The following KALRN variants were observed in gnomAD, a reference collection of about 807,000 sequenced individuals.
KALRN encodes the protein kalirin.
Under a neutral mutation model 353.7 loss-of-function variants are expected in KALRN, and 70 were observed. That is an observed-to-expected ratio of 0.20 (90% CI 0.16 to 0.24). KALRN has a LOEUF of 0.24. Ranked by LOEUF, KALRN falls within the 10% of genes least tolerant of loss-of-function variation. KALRN has a pLI of 1.00. For synonymous variants in KALRN, 1,391 were observed against 1,434.8 expected, an observed-to-expected ratio of 0.97 and a Z score of 0.69; for missense variants, 2,791 against 3,756.7, an observed-to-expected ratio of 0.74 and a Z score of 6.72.
chr3:124,244,033 A>G (rs1270915552), intron 3 of KALRN, among the ~76,000 whole-genome samples: 1 of 152,210 alleles, frequency 6.6e-6, no homozygotes, highest in Non-Finnish European at 1.5e-5. Flanking sequence ...GGTCAGTAAC[A>G]CTTCACTTCT....
At chr3:124,418,157 A>T (rs934877957) in intron 14 of KALRN, among the ~76,000 whole-genome samples, 6 of 150,764 alleles carry the variant, frequency 4.0e-5, no homozygotes, top group Admixed American at 6.6e-5. Flanking sequence ...TTTTATTTTT[A>T]TTTTTTTTTC....
chr3:124,457,316 C>T (rs962469638), intron 23 of KALRN, among the ~76,000 whole-genome samples: 5 of 149,704 alleles, frequency 3.3e-5, no homozygotes, highest in East Asian at 2.0e-4. Context: ...GTGATCTGCC[C>T]GCCTCAGCCT....
intron 59 of KALRN, 130 bp downstream of exon 59, chr3:124,717,515 T>A (rs35793557): frequency 0.055 from 28,492 of 517,360 alleles, 1,062 homozygotes; most frequent in Middle Eastern, 0.1. Flanking sequence ...TGAAACCCCG[T>A]CTCTACTAAA....
At chr3:124,060,905 T>G (rs967987261) in intron 1 of KALRN, among the ~76,000 whole-genome samples, 4 of 152,164 alleles carry the variant, frequency 2.6e-5, no homozygotes, top group African/African-American at 9.7e-5. Flanking sequence ...GTTGGGGGAA[T>G]GGTTAGCTAA....
At chr3:124,243,354 GGAGAGAC>G (rs1227903372) in intron 3 of KALRN, among the ~76,000 whole-genome samples, 1 of 152,128 alleles carries the variant, frequency 6.6e-6, no homozygotes, top group East Asian at 1.9e-4. Context: ...CTTCAAATGC[GGAGAGAC>G]ACATTTGTGA....
chr3:124,308,832 T>C (rs2077963854), intron 6 of KALRN, among the ~76,000 whole-genome samples: 2 of 151,460 alleles, frequency 1.3e-5, no homozygotes, highest in Non-Finnish European at 2.9e-5. Flanking sequence ...AGAAATTAAC[T>C]AGAGAATAGG....
At chr3:124,570,730 A>G (rs570542206) in intron 34 of KALRN, among the ~76,000 whole-genome samples, 2 of 152,362 alleles carry the variant, frequency 1.3e-5, no homozygotes, top group African/African-American at 4.8e-5. Flanking sequence ...TCAGAATCAT[A>G]AAAAGTTAGA....
chr3:124,209,148 C>T (rs1028531225), intron 1 of KALRN, among the ~76,000 whole-genome samples: 1 of 151,958 alleles, frequency 6.6e-6, no homozygotes, highest in Non-Finnish European at 1.5e-5. Context: ...CCTTATTTTA[C>T]TTATGAGTCC....
rs1004567146 is a variant in KALRN, at chr3:124,249,041, A to T, written c.263+14098A>T. On this transcript the variant is annotated intron_variant, in intron 3 of 59. Coordinates refer to ENST00000682506, the MANE Select transcript of KALRN (RefSeq NM_001388419.1). ...CCTGTTTTGAACTTGGAGGAAAGCAAGACCATTCCTCACCCTCTTGCAGCT... is the reference window on the plus strand; with the variant it reads ...CCTGTTTTGAACTTGGAGGAAAGCATGACCATTCCTCACCCTCTTGCAGCT... Among the ~76,000 whole-genome samples the T allele has an allele frequency of 2.6e-5, 4 of 152,254 alleles. No individual in the cohort carries two copies. In the South Asian group the frequency reaches 8.3e-4, roughly 32 times the overall value.
intron 29 of KALRN, among the ~76,000 whole-genome samples, chr3:124,489,163 C>T (rs1364042667): frequency 1.3e-5 from 2 of 152,134 alleles, no homozygotes; most frequent in East Asian, 3.9e-4. Flanking sequence ...AAAAATTAGC[C>T]AGGGGTGGTG....
At position 124,321,899 on chromosome 3, in the gene KALRN, G is replaced by A. The variant is rs1030055824; in HGVS notation, c.1093-4081G>A. 2.6e-5 allele frequency among the ~76,000 whole-genome samples: 4 copies of A among 152,306 alleles called. No individual in the cohort carries two copies. The South Asian group carries it at 8.3e-4, about 32-fold the overall frequency. The stretch of plus-strand genomic sequence containing the variant: ...TGGGCTGTGCCATACTTTGGATAAT[G>A]ATAATAATTTAATAACAACAGACTG... On this transcript the variant is annotated intron_variant, in intron 6 of 59. Coordinates refer to ENST00000682506, the MANE Select transcript of KALRN (RefSeq NM_001388419.1).
intron 57 of KALRN, among the ~76,000 whole-genome samples, chr3:124,703,415 T>G (rs78611122): frequency 0.16 from 24,607 of 152,228 alleles, 2,385 homozygotes; most frequent in Middle Eastern, 0.22. Flanking sequence ...TTTGTTTGTT[T>G]GAGCTCTACT....
At chr3:124,646,678 A>C (rs1420095974) in intron 37 of KALRN, among the ~76,000 whole-genome samples, 25 of 145,368 alleles carry the variant, frequency 1.7e-4, no homozygotes, top group Non-Finnish European at 3.6e-4. Context: ...GGCATGAGCC[A>C]CTGCGCCCGG....
chr3:124,517,321 T>C (rs1235860178), intron 33 of KALRN, among the ~76,000 whole-genome samples: 1 of 152,214 alleles, frequency 6.6e-6, no homozygotes, highest in African/African-American at 2.4e-5. Context: ...TGAAGTATTT[T>C]CTCTCACTAA....
At chr3:124,063,942 A>G (rs78056086) in intron 1 of KALRN, among the ~76,000 whole-genome samples, 2,829 of 152,328 alleles carry the variant, frequency 0.019, 87 homozygotes, top group African/African-American at 0.063. Flanking sequence ...CTGAGAAGCA[A>G]TCAGGGAATT....
chr3:124,450,563 CTTTT>C, intron 21 of KALRN, among the ~76,000 whole-genome samples: 1 of 138,006 alleles, frequency 7.2e-6, no homozygotes, highest in Non-Finnish European at 1.6e-5. Context: ...TTCTGAGACT[CTTTT>C]TTTTTTTTTT....
At chr3:124,354,872 A>T (rs1462869447) in intron 10 of KALRN, among the ~76,000 whole-genome samples, 1 of 152,226 alleles carries the variant, frequency 6.6e-6, no homozygotes, top group African/African-American at 2.4e-5. Context: ...TACAAACCTG[A>T]GGGTAGAACC....
intron 58 of KALRN, among the ~76,000 whole-genome samples, chr3:124,716,645 A>G (rs947480939): frequency 2.6e-5 from 4 of 152,178 alleles, no homozygotes; most frequent in African/African-American, 9.7e-5. Flanking sequence ...AAAACTGACA[A>G]ATGAAAGTAG....
chr3:124,615,601 T>C (rs1361053144), intron 34 of KALRN, among the ~76,000 whole-genome samples: 1 of 152,132 alleles, frequency 6.6e-6, no homozygotes, highest in Non-Finnish European at 1.5e-5. Context: ...TATATAGGAA[T>C]TATTTGTACT....
Sources: allele counts gnomAD v4.1 joint callset (sites outside exome capture counted in the v4.1 genomes callset), GRCh38; gene constraint gnomAD v4.1.1; transcripts MANE v1.5; gene names NCBI Gene and HGNC (gene_info 2026-07-23, HGNC 2026-07-21).